RNGTT: variants seen among roughly 807,000 people sequenced by gnomAD.
The protein encoded by RNGTT is RNA guanylyltransferase and 5'-phosphatase, also known as mRNA-capping enzyme.
A neutral mutation model predicts 79.3 loss-of-function variants in RNGTT; 33 were observed. The observed-to-expected ratio is 0.42, with a 90% CI of 0.32 to 0.56. RNGTT has a LOEUF of 0.56. RNGTT is among the 20% of genes least tolerant of loss of function. RNGTT has a pLI of 0.17. For synonymous variants in RNGTT, 222 were observed against 235.9 expected (o/e 0.94, Z 0.54); for missense variants, 497 against 739.1 (o/e 0.67, Z 3.80).
At chr6:88,667,113 G>A (rs1450441390) in intron 14 of RNGTT, among the ~76,000 whole-genome samples, 2 of 152,164 alleles carry the variant, frequency 1.3e-5, no homozygotes, top group African/African-American at 4.8e-5. Context: ...TCCTAAGCTC[G>A]CAGAGCAGCA....
intron 4 of RNGTT, among the ~76,000 whole-genome samples, chr6:88,913,992 G>A (rs2127947186): frequency 6.6e-6 from 1 of 152,160 alleles, no homozygotes; most frequent in African/African-American, 2.4e-5. Context: ...AACCAATGAT[G>A]TTCAACCTGA....
chr6:88,950,576 A>G (rs1785209285), intron 1 of RNGTT, among the ~76,000 whole-genome samples: 1 of 152,246 alleles, frequency 6.6e-6, no homozygotes, highest in Non-Finnish European at 1.5e-5. Context: ...AATGTTTATT[A>G]TAACCCTCAT....
At chr6:88,863,120 C>T (rs968896651) in intron 8 of RNGTT, among the ~76,000 whole-genome samples, 1 of 152,320 alleles carries the variant, frequency 6.6e-6, no homozygotes, top group East Asian at 1.9e-4. Flanking sequence ...AAGCAGACAA[C>T]ATGTATTATT....
At chr6:88,665,054 C>T (rs1291915841) in intron 14 of RNGTT, among the ~76,000 whole-genome samples, 5 of 152,160 alleles carry the variant, frequency 3.3e-5, no homozygotes, top group Admixed American at 6.5e-5. Context: ...AGGAAGGGAC[C>T]TGCTTAGCAA....
At chr6:88,712,010 T>C (rs893655315) in intron 13 of RNGTT, among the ~76,000 whole-genome samples, 5 of 152,192 alleles carry the variant, frequency 3.3e-5, no homozygotes, top group Non-Finnish European at 5.9e-5. Flanking sequence ...AATGAATCTA[T>C]AATTTGATAG....
At chr6:88,702,451 C>G (rs979061686) in intron 13 of RNGTT, among the ~76,000 whole-genome samples, 39 of 152,198 alleles carry the variant, frequency 2.6e-4, no homozygotes, top group Admixed American at 2.6e-3. Flanking sequence ...CAAAAATAAG[C>G]AATGAGGAAA....
intron 1 of RNGTT, among the ~76,000 whole-genome samples, chr6:88,959,227 A>G (rs2127967513): frequency 6.6e-6 from 1 of 151,048 alleles, no homozygotes; most frequent in Non-Finnish European, 1.5e-5. Context: ...GAGAGGGGGG[A>G]TGAGGGATAA....
intron 13 of RNGTT, among the ~76,000 whole-genome samples, chr6:88,727,275 G>T (rs778883615): frequency 2.0e-5 from 3 of 152,130 alleles, no homozygotes; most frequent in Non-Finnish European, 4.4e-5. Flanking sequence ...TTTGGTAAAA[G>T]GATTATAAGT....
At chr6:88,625,433 T>C (rs1582247463) in intron 14 of RNGTT, among the ~76,000 whole-genome samples, 1 of 152,006 alleles carries the variant, frequency 6.6e-6, no homozygotes, top group Admixed American at 6.6e-5. Context: ...TACAACAATA[T>C]GGTTGAATTC....
At chr6:88,811,945 T>A (rs948429967) in intron 11 of RNGTT, among the ~76,000 whole-genome samples, 1 of 152,136 alleles carries the variant, frequency 6.6e-6, no homozygotes, top group African/African-American at 2.4e-5. Context: ...AAATTTGCAC[T>A]CCCCTGGATA....
At chr6:88,832,221 T>C (rs1292150311) in intron 11 of RNGTT, among the ~76,000 whole-genome samples, 1 of 152,166 alleles carries the variant, frequency 6.6e-6, no homozygotes, top group Non-Finnish European at 1.5e-5. Flanking sequence ...CAAAACAGCA[T>C]GGTACTGGTA....
intron 12 of RNGTT, among the ~76,000 whole-genome samples, chr6:88,774,124 A>G (rs1473019288): frequency 1.3e-5 from 2 of 152,184 alleles, no homozygotes; most frequent in African/African-American, 4.8e-5. Context: ...GATACAACTT[A>G]ACAACAAAAA....
intron 1 of RNGTT, among the ~76,000 whole-genome samples, chr6:88,952,994 C>T (rs1785306322): frequency 6.6e-6 from 1 of 152,142 alleles, no homozygotes; most frequent in African/African-American, 2.4e-5. Context: ...TCAGACCTTT[C>T]CACTGAAACA....
intron 4 of RNGTT, among the ~76,000 whole-genome samples, chr6:88,917,540 ATATAG>A (rs1784036580): frequency 6.6e-6 from 1 of 152,212 alleles, no homozygotes; most frequent in African/African-American, 2.4e-5. Context: ...GGCAATGGAG[ATATAG>A]TAAAGAATTT....
chr6:88,632,695 G>T (rs770122054), intron 14 of RNGTT, among the ~76,000 whole-genome samples: 6 of 150,802 alleles, frequency 4.0e-5, no homozygotes, highest in Admixed American at 6.6e-5. Context: ...AATGGATTTC[G>T]AAACCAACCA....
intron 11 of RNGTT, among the ~76,000 whole-genome samples, chr6:88,838,044 T>C (rs1781139977): frequency 6.6e-6 from 1 of 152,136 alleles, no homozygotes; most frequent in Non-Finnish European, 1.5e-5. Flanking sequence ...TTGCAAGCAA[T>C]AACAAAAGTA....
intron 4 of RNGTT, among the ~76,000 whole-genome samples, chr6:88,918,255 C>T (rs1784059754): frequency 6.6e-6 from 1 of 151,626 alleles, no homozygotes; most frequent in South Asian, 2.1e-4. Context: ...ACCAGGAGGT[C>T]GAGGATGCAG....
intron 8 of RNGTT, among the ~76,000 whole-genome samples, chr6:88,873,436 A>G (rs1782419098): frequency 6.6e-6 from 1 of 152,236 alleles, no homozygotes; most frequent in South Asian, 2.1e-4. Context: ...TACTATTGAC[A>G]AAAGCATAAT....
At chr6:88,760,292 AG>A (rs1778169160) in intron 13 of RNGTT, among the ~76,000 whole-genome samples, 1 of 152,194 alleles carries the variant, frequency 6.6e-6, no homozygotes, top group Admixed American at 6.5e-5. Context: ...GAAATAACAG[AG>A]GAAACAAGAG....
Sources: allele counts gnomAD v4.1 joint callset (sites outside exome capture counted in the v4.1 genomes callset), GRCh38; gene constraint gnomAD v4.1.1; transcripts MANE v1.5; gene names NCBI Gene and HGNC (gene_info 2026-07-23, HGNC 2026-07-21).